The following DAB1 variants were observed in gnomAD, a reference collection of about 807,000 sequenced individuals.
DAB1 encodes DAB adaptor protein 1, also known as disabled homolog 1.
Under a neutral mutation model 64.6 loss-of-function variants are expected in DAB1, and 15 were observed. The observed-to-expected ratio is 0.23, with a 90% CI of 0.16 to 0.36. The LOEUF is 0.36. Among genes scored for constraint, DAB1 ranks in the 10% least tolerant of loss-of-function variants. The pLI is 1.00. For synonymous variants in DAB1, 235 were observed against 251.9 expected (o/e 0.93, Z 0.64); for missense variants, 596 against 706.7 (o/e 0.84, Z 1.78).
intron 2 of DAB1, among the ~76,000 whole-genome samples, chr1:57,202,655 C>T (rs1665198693): frequency 6.6e-6 from 1 of 152,198 alleles, no homozygotes; most frequent in Admixed American, 6.5e-5. Context: ...TTTGGATCAG[C>T]ACTTTACAGT....
chr1:57,354,815 A>C (rs1678929232), intron 1 of DAB1, among the ~76,000 whole-genome samples: 1 of 152,130 alleles, frequency 6.6e-6, no homozygotes, highest in African/African-American at 2.4e-5. Context: ...AAAGGAGTGA[A>C]TCAACTGTCA....
chr1:57,088,934 T>A (rs1163040269), intron 4 of DAB1, among the ~76,000 whole-genome samples: 1 of 152,226 alleles, frequency 6.6e-6, no homozygotes, highest in Non-Finnish European at 1.5e-5. Context: ...TGTGAGGCAG[T>A]CTGGCTAGAG....
At chr1:57,222,131 A>G (rs1479465715) in intron 2 of DAB1, among the ~76,000 whole-genome samples, 1 of 152,148 alleles carries the variant, frequency 6.6e-6, no homozygotes, top group Non-Finnish European at 1.5e-5. Context: ...CTTTTCTAGC[A>G]GAAGAAACAA....
At chr1:57,521,391 T>A (rs1453034514) in intron 7 of DAB1, among the ~76,000 whole-genome samples, 1 of 152,086 alleles carries the variant, frequency 6.6e-6, no homozygotes, top group Non-Finnish European at 1.5e-5. Context: ...GTCTCGTATA[T>A]GCAGGCAGTT....
At chr1:57,002,402 G>A (rs1645901969) in intron 14 of DAB1, among the ~76,000 whole-genome samples, 1 of 152,204 alleles carries the variant, frequency 6.6e-6, no homozygotes, top group Admixed American at 6.5e-5. Flanking sequence ...TAGAAAGAAT[G>A]TATCACAAGA....
chr1:58,338,724 T>G (rs72912380), intron 4 of DAB1, among the ~76,000 whole-genome samples: 5,199 of 152,256 alleles, frequency 0.034, 103 homozygotes, highest in Middle Eastern at 0.044. Context: ...CATGCAGCAC[T>G]ATTCACAAGA....
intron 4 of DAB1, among the ~76,000 whole-genome samples, chr1:58,311,264 T>C (rs1375813593): frequency 6.6e-6 from 1 of 152,194 alleles, no homozygotes; most frequent in Non-Finnish European, 1.5e-5. Context: ...CTTTGCTTTA[T>C]TCAAAGAAAG....
At chr1:57,061,161 G>T (rs1306686753) in intron 9 of DAB1, among the ~76,000 whole-genome samples, 6 of 148,420 alleles carry the variant, frequency 4.0e-5, no homozygotes, top group African/African-American at 1.5e-4. Flanking sequence ...TTTTGAAAAC[G>T]GGCCTGCATC....
At chr1:58,091,376 T>A (rs556134821) in intron 5 of DAB1, among the ~76,000 whole-genome samples, 1 of 152,342 alleles carries the variant, frequency 6.6e-6, no homozygotes, top group East Asian at 1.9e-4. Flanking sequence ...TGAAACCTAG[T>A]GTAGCTCTTA....
At chr1:57,034,877 G>A (rs913433578) in intron 9 of DAB1, among the ~76,000 whole-genome samples, 3 of 152,098 alleles carry the variant, frequency 2.0e-5, no homozygotes, top group African/African-American at 7.2e-5. Flanking sequence ...CTGTCTATAG[G>A]ACATGTGACT....
chr1:57,540,667 A>T (rs1388594041), intron 7 of DAB1, among the ~76,000 whole-genome samples: 1 of 152,236 alleles, frequency 6.6e-6, no homozygotes, highest in African/African-American at 2.4e-5. Context: ...TTGCAGCAAC[A>T]TGAGTGGAAC....
rs574935503 is a variant in DAB1, at chr1:57,156,858, C to T, written c.68-11429G>A. On this transcript the variant is annotated intron_variant, in intron 2 of 14. Coordinates refer to ENST00000371236, the MANE Select transcript of DAB1 (RefSeq NM_001365792.1). ...GGCACAGAGTAAATTCCCCATTTTC[C>T]ACAGACCTCGAAGATTCTGTCAGGA... Among the ~76,000 whole-genome samples the T allele has an allele frequency of 5.3e-5, 8 of 152,276 alleles. No homozygotes were observed. In the South Asian group the frequency reaches 1.5e-3, roughly 28 times the overall value.
At chr1:57,852,278 G>C (rs998325121) in intron 1 of DAB1, among the ~76,000 whole-genome samples, 12 of 152,254 alleles carry the variant, frequency 7.9e-5, no homozygotes, top group Non-Finnish European at 1.3e-4. Context: ...GGCCTTGCTT[G>C]GTTCTCCCTC....
chr1:57,774,410 C>G (rs917575500), intron 6 of DAB1, among the ~76,000 whole-genome samples: 1 of 151,746 alleles, frequency 6.6e-6, no homozygotes, highest in African/African-American at 2.4e-5. Context: ...TTCTTTTCAG[C>G]CTTATGCCCT....
chr1:58,097,545 G>A (rs1394848391), intron 5 of DAB1, among the ~76,000 whole-genome samples: 2 of 152,024 alleles, frequency 1.3e-5, no homozygotes, highest in African/African-American at 2.4e-5. Flanking sequence ...TGAGGGGGAA[G>A]AAGAGTTGGC....
intron 2 of DAB1, among the ~76,000 whole-genome samples, chr1:57,214,496 T>G (rs906849428): frequency 1.3e-5 from 2 of 152,170 alleles, no homozygotes; most frequent in Non-Finnish European, 2.9e-5. Context: ...TAAACCAGTA[T>G]AAGCAAGAGC....
intron 7 of DAB1, among the ~76,000 whole-genome samples, chr1:57,495,740 C>T (rs989493742): frequency 3.9e-5 from 6 of 152,158 alleles, no homozygotes; most frequent in African/African-American, 1.4e-4. Flanking sequence ...ACTAGTGAGT[C>T]CATAAATCCA....
chr1:58,370,014 T>A (rs1436298038), intron 3 of DAB1, among the ~76,000 whole-genome samples: 2 of 152,132 alleles, frequency 1.3e-5, no homozygotes, highest in South Asian at 2.1e-4. Context: ...ACTAGTAAAA[T>A]TTTTTTTAAA....
At chr1:57,383,429 G>A (rs1681545042) in intron 1 of DAB1, among the ~76,000 whole-genome samples, 1 of 152,102 alleles carries the variant, frequency 6.6e-6, no homozygotes, top group Non-Finnish European at 1.5e-5. Context: ...GGATGATCTG[G>A]AGCTGTCATT....
Sources: gnomAD v4.1 joint callset for allele counts (sites outside exome capture counted in the v4.1 genomes callset) on GRCh38, gnomAD v4.1.1 for gene constraint, MANE v1.5 for transcripts, NCBI Gene and HGNC (gene_info 2026-07-23, HGNC 2026-07-21) for gene names.